The following ZNF91 variants were observed in gnomAD, a reference collection of about 807,000 sequenced individuals.
ZNF91 encodes the protein zinc finger protein 91 (HPF7, HTF10).
In ZNF91, 7 loss-of-function variants were observed where a neutral mutation model predicts 12.6. The observed-to-expected ratio is 0.55, with a 90% CI of 0.31 to 1.04. The LOEUF is 1.04. Ranked by LOEUF, ZNF91 falls within the 50% of genes least tolerant of loss-of-function variation. The pLI is 0.05. For missense variants in ZNF91, 1,217 were observed against 1,385.4 expected (o/e 0.88, Z 1.93); for synonymous variants, 453 against 462.6 (o/e 0.98, Z 0.27).
In ZNF91 at chr19:23,359,695, C is replaced by T; in HGVS notation, c.3284G>A (p.Arg1095Lys). The T allele has an allele frequency of 6.2e-7, 1 of 1,612,254 alleles. No homozygotes were observed. Among genetic ancestry groups the T allele is most frequent in the South Asian group, 1.1e-5 (1 of 90,974 alleles). ...KAFSQSSTLT[R>K]HKRLHTGEKP... ...CTCTCCGGTGTGCAACCTCTTATGTCTAGTTAGGGTTGAAGATTGGCTAAA... is the reference window on the plus strand; with the variant it reads ...CTCTCCGGTGTGCAACCTCTTATGTTTAGTTAGGGTTGAAGATTGGCTAAA... Residue 1095 changes from arginine to lysine, a missense_variant, in exon 4 of 4, where the codon AGA (arginine) becomes AAA (lysine). Transcript: ENST00000300619.
At chr19:23,332,334 C>T (rs910208545) in intron 1 of ZNF91, among the ~76,000 whole-genome samples, 4 of 151,806 alleles carry the variant, frequency 2.6e-5, no homozygotes, top group African/African-American at 9.7e-5. Flanking sequence ...CCACTAGCTA[C>T]CAGCATCCTA....
chr19:23,384,922 C>T, intron 1 of ZNF91: 1 of 785,286 alleles, frequency 1.3e-6, no homozygotes, highest in South Asian at 1.3e-5. Flanking sequence ...TAATTCCAAA[C>T]AGGAGTCCTT....
At chr19:23,327,164 C>G (rs1265876701) in intron 1 of ZNF91, 1 of 152,026 alleles carries the variant, frequency 6.6e-6, no homozygotes, top group African/African-American at 2.4e-5. Flanking sequence ...ATACCAGAAA[C>G]CTACAGGGTA....
chr19:23,394,289 T>G (rs892958465), intron 1 of ZNF91, among the ~76,000 whole-genome samples: 2 of 152,088 alleles, frequency 1.3e-5, no homozygotes, highest in African/African-American at 4.8e-5. Flanking sequence ...GTCCTCGGAT[T>G]TCTACTTCTA....
chr19:23,371,786 G>C (rs1969289498), intron 3 of ZNF91, among the ~76,000 whole-genome samples: 1 of 152,112 alleles, frequency 6.6e-6, no homozygotes, highest in African/African-American at 2.4e-5. Flanking sequence ...TAAAATCCCA[G>C]AGAAAATGTA....
chr19:23,375,111 G>A (rs1282414164), intron 1 of ZNF91, among the ~76,000 whole-genome samples: 1 of 151,650 alleles, frequency 6.6e-6, no homozygotes, highest in Non-Finnish European at 1.5e-5. Flanking sequence ...AGGCATAGTT[G>A]TTATATATTT....
chr19:23,392,628 C>T (rs1267482615), intron 1 of ZNF91, among the ~76,000 whole-genome samples: 3 of 147,814 alleles, frequency 2.0e-5, no homozygotes, highest in Admixed American at 6.9e-5. Context: ...CCCATCTCTA[C>T]TAAAAATACA....
At chr19:23,367,245 T>C (rs1969053455) in intron 3 of ZNF91, among the ~76,000 whole-genome samples, 1 of 152,170 alleles carries the variant, frequency 6.6e-6, no homozygotes, top group African/African-American at 2.4e-5. Flanking sequence ...TGAGTCAAGA[T>C]TATGCCAATA....
At chr19:23,335,531 C>G (rs1205436333), downstream of ZNF91, among the ~76,000 whole-genome samples, 1 of 152,186 alleles carries the variant, frequency 6.6e-6, no homozygotes, top group Non-Finnish European at 1.5e-5. Context: ...ATGGTGGACG[C>G]CCCTCCCCCA....
At chr19:23,371,673 A>C (rs1969284524) in intron 3 of ZNF91, among the ~76,000 whole-genome samples, 1 of 152,230 alleles carries the variant, frequency 6.6e-6, no homozygotes, top group Non-Finnish European at 1.5e-5. Context: ...GGCAACATTA[A>C]TGTACGTTAA....
At position 23,358,465 on chromosome 19, in the gene ZNF91, A is replaced by C. The variant is rs1968556702; in HGVS notation, c.*938T>G. 1 of 152,176 alleles carries C rather than the reference A, an allele frequency of 6.6e-6. No individual in the cohort carries two copies. The highest frequency in any genetic ancestry group is 1.5e-5 in the Non-Finnish European group (1 of 68,024). The allele number at this position is 152,176 out of a possible 1,614,324, so 9.4% of individuals were successfully genotyped here. ...AAAAGGTCATAAATAATGCCTCTTC[A>C]TATTTGTAATGCTTTTTCAAAATAC... On this transcript the variant is annotated 3_prime_UTR_variant, in exon 4 of 4. Transcript: ENST00000300619.
chr19:23,323,671 C>T (rs928625757), intron 1 of ZNF91, among the ~76,000 whole-genome samples: 1 of 121,646 alleles, frequency 8.2e-6, no homozygotes, highest in Non-Finnish European at 1.6e-5. Flanking sequence ...TTCCTCTTCT[C>T]TCCTCCTCCT....
intron 3 of ZNF91, among the ~76,000 whole-genome samples, chr19:23,369,422 G>C (rs529108388): frequency 6.6e-6 from 1 of 152,072 alleles, no homozygotes; most frequent in South Asian, 2.1e-4. Context: ...GCCCCGTCCG[G>C]GAGGTGGAGG....
Position 23,364,130 on chromosome 19 carries a change from C to T in ZNF91, c.254-1405G>A, listed in dbSNP as rs544874351. Among the ~76,000 whole-genome samples the T allele has an allele frequency of 1.1e-4, 16 of 152,270 alleles. 1 individual carries two copies. The highest frequency in any genetic ancestry group is 3.6e-4 in the African/African-American group (15 of 41,564). ...GGTCAGGAGTTCAAGGCCAGCCTGGCCAACATGGTGAAACCCCGTCTCTAC... is the reference window on the plus strand; with the variant it reads ...GGTCAGGAGTTCAAGGCCAGCCTGGTCAACATGGTGAAACCCCGTCTCTAC... On this transcript the variant is annotated intron_variant, in intron 3 of 3. Transcript: ENST00000300619.
chr19:23,364,583 G>A (rs1009802712), intron 3 of ZNF91, among the ~76,000 whole-genome samples: 1 of 148,540 alleles, frequency 6.7e-6, no homozygotes, highest in Non-Finnish European at 1.5e-5. Context: ...GGTAAATTTT[G>A]TTTTTTTTTT....
chr19:23,346,748 C>T (rs534511263), intron 3 of ZNF91, among the ~76,000 whole-genome samples: 27 of 152,284 alleles, frequency 1.8e-4, no homozygotes, highest in Middle Eastern at 3.4e-3. Context: ...TGAACATTGA[C>T]GGCAGCTGCT....
chr19:23,336,691 G>A (rs943838678), downstream of ZNF91, among the ~76,000 whole-genome samples: 1 of 152,074 alleles, frequency 6.6e-6, no homozygotes, highest in African/African-American at 2.4e-5. Flanking sequence ...AAATAATTTG[G>A]GGGTTTTTAT....
At chr19:23,353,754 A>G (rs1968422506), downstream of ZNF91, among the ~76,000 whole-genome samples, 1 of 152,194 alleles carries the variant, frequency 6.6e-6, no homozygotes, top group Non-Finnish European at 1.5e-5. Context: ...TGAGAAATGA[A>G]ACAGGAGATA....
chr19:23,315,202 A>G (rs1160221178), upstream of ZNF91, among the ~76,000 whole-genome samples: 1 of 152,186 alleles, frequency 6.6e-6, no homozygotes, highest in Non-Finnish European at 1.5e-5. Flanking sequence ...TTCAAGACCT[A>G]AATGGTGTGA....
Sources: gnomAD v4.1 joint callset for allele counts (sites outside exome capture counted in the v4.1 genomes callset) on GRCh38, gnomAD v4.1.1 for gene constraint, MANE v1.5 for transcripts, NCBI Gene and HGNC (gene_info 2026-07-23, HGNC 2026-07-21) for gene names.